Variants in ENOX1 observed in about 807,000 individuals in gnomAD.
ENOX1 encodes ecto-NOX disulfide-thiol exchanger 1.
ENOX1 carries 42 observed loss-of-function variants against 82.5 expected under a neutral mutation model. The ratio of observed to expected loss-of-function variants is 0.51; its 90% confidence interval spans 0.40 to 0.66. ENOX1 has a LOEUF of 0.66. Ranked by LOEUF, ENOX1 falls within the 30% of genes least tolerant of loss-of-function variation. The pLI is 0.00. For synonymous variants in ENOX1, 271 were observed against 282.2 expected, an observed-to-expected ratio of 0.96 and a Z score of 0.40; for missense variants, 608 against 811.6, an observed-to-expected ratio of 0.75 and a Z score of 3.05.
intron 1 of ENOX1, among the ~76,000 whole-genome samples, chr13:43,711,577 C>A (rs1489368732): frequency 6.6e-6 from 1 of 152,046 alleles, no homozygotes; most frequent in Non-Finnish European, 1.5e-5. Context: ...TCCTCTCCAG[C>A]ACCTGTTGTT....
chr13:43,751,165 C>T (rs1292581704), intron 1 of ENOX1, among the ~76,000 whole-genome samples: 1 of 152,176 alleles, frequency 6.6e-6, no homozygotes, highest in African/African-American at 2.4e-5. Context: ...ATCTCTGCAC[C>T]TAGAATGTTT....
intron 2 of ENOX1, among the ~76,000 whole-genome samples, chr13:43,511,810 A>C (rs2077379129): frequency 6.6e-6 from 1 of 152,116 alleles, no homozygotes; most frequent in Non-Finnish European, 1.5e-5. Flanking sequence ...AAACTGTAAT[A>C]ATCTTCCAGG....
chr13:43,393,970 C>A (rs140852881), intron 5 of ENOX1, among the ~76,000 whole-genome samples: 9 of 152,098 alleles, frequency 5.9e-5, no homozygotes, highest in Non-Finnish European at 1.0e-4. Context: ...ATCTTGGCAC[C>A]ACCTCCTCTC....
At chr13:43,486,532 G>A (rs1325599679) in intron 2 of ENOX1, among the ~76,000 whole-genome samples, 1 of 152,190 alleles carries the variant, frequency 6.6e-6, no homozygotes, top group Non-Finnish European at 1.5e-5. Flanking sequence ...ATACTTATGA[G>A]CCAAACAATA....
chr13:43,355,604 C>T (rs2050094419), intron 8 of ENOX1, among the ~76,000 whole-genome samples: 2 of 152,164 alleles, frequency 1.3e-5, no homozygotes, highest in Non-Finnish European at 2.9e-5. Context: ...ACCTTTCTGT[C>T]CCCTCATTCA....
At chr13:43,318,445 C>A (rs1433389837) in intron 11 of ENOX1, among the ~76,000 whole-genome samples, 1 of 152,184 alleles carries the variant, frequency 6.6e-6, no homozygotes, top group Non-Finnish European at 1.5e-5. Context: ...CTTGGACATA[C>A]AAAATGTAGA....
At chr13:43,647,530 T>G (rs2083951703) in intron 2 of ENOX1, among the ~76,000 whole-genome samples, 2 of 152,122 alleles carry the variant, frequency 1.3e-5, no homozygotes, top group South Asian at 4.1e-4. Context: ...TCAAGAAGAA[T>G]GTGACAAGTT....
chr13:43,666,410 G>A (rs1197198023), intron 2 of ENOX1, among the ~76,000 whole-genome samples: 1 of 152,148 alleles, frequency 6.6e-6, no homozygotes, highest in Non-Finnish European at 1.5e-5. Context: ...AAGGTCATTA[G>A]GGTGAACCCT....
intron 1 of ENOX1, among the ~76,000 whole-genome samples, chr13:43,754,047 C>T: frequency 4.2e-5 from 2 of 47,332 alleles, no homozygotes. Flanking sequence ...TATATAAATA[C>T]ACATATATAT....
chr13:43,546,559 C>G (rs1337091884), intron 2 of ENOX1: 3 of 152,144 alleles, frequency 2.0e-5, no homozygotes, highest in African/African-American at 4.8e-5. Context: ...TCTCCTTTGC[C>G]GCCTCACTGT....
At chr13:43,490,860 G>C (rs2076594952) in intron 2 of ENOX1, among the ~76,000 whole-genome samples, 1 of 152,148 alleles carries the variant, frequency 6.6e-6, no homozygotes, top group Non-Finnish European at 1.5e-5. Context: ...AAGAGAGTGA[G>C]CCTGCAATAA....
At chr13:43,245,908 C>T (rs950601827) in intron 14 of ENOX1, among the ~76,000 whole-genome samples, 2 of 152,136 alleles carry the variant, frequency 1.3e-5, no homozygotes, top group Admixed American at 6.5e-5. Flanking sequence ...CTCCAAGAAC[C>T]GTGTTTTCTA....
rs769222719 is a variant in ENOX1 at position 43,344,635 on chromosome 13, G to A, written c.939C>T (p.His313=). The change falls in exon 9 of 17, where the codon CAC becomes CAT. Residue 313 remains histidine, a synonymous_variant. Coordinates refer to ENST00000690772, the MANE Select transcript of ENOX1 (RefSeq NM_001347969.2). ...CTTTTTCATTCATTAGCCGGCGGACGTGGCTGTTGGCCGACTGCACCATGG... is the reference window on the plus strand; with the variant it reads ...CTTTTTCATTCATTAGCCGGCGGACATGGCTGTTGGCCGACTGCACCATGG... The part of the protein sequence containing the change: ...FYSMVQSANS[H]VRRLMNEKAT... 3.1e-5 allele frequency: 50 copies of A among 1,613,964 alleles called. 2 individuals carry two copies. Among genetic ancestry groups the A allele is most frequent in the South Asian group, 2.1e-4 (19 of 91,080 alleles).
intron 2 of ENOX1, among the ~76,000 whole-genome samples, chr13:43,536,368 A>G (rs548825283): frequency 6.6e-6 from 1 of 152,206 alleles, no homozygotes; most frequent in Non-Finnish European, 1.5e-5. Flanking sequence ...GCAGGTAACT[A>G]GCCTTGCATT....
At chr13:43,737,745 A>G (rs977875071) in intron 1 of ENOX1, among the ~76,000 whole-genome samples, 46 of 152,244 alleles carry the variant, frequency 3.0e-4, no homozygotes, top group African/African-American at 1.0e-3. Context: ...TACACATGTC[A>G]TCAAACAAGT....
At chr13:43,744,584 T>C (rs1949920952) in intron 1 of ENOX1, among the ~76,000 whole-genome samples, 1 of 152,172 alleles carries the variant, frequency 6.6e-6, no homozygotes, top group African/African-American at 2.4e-5. Context: ...GAACTGGTAT[T>C]AAAACAAGCA....
intron 15 of ENOX1, among the ~76,000 whole-genome samples, chr13:43,228,640 G>A (rs2042133318): frequency 6.6e-6 from 1 of 152,158 alleles, no homozygotes; most frequent in Non-Finnish European, 1.5e-5. Flanking sequence ...GACTAAGGAT[G>A]CAGTATTTAA....
chr13:43,686,647 C>G (rs299347), intron 1 of ENOX1, among the ~76,000 whole-genome samples: 48,534 of 151,996 alleles, frequency 0.32, 8,213 homozygotes, highest in East Asian at 0.49. Context: ...CACATGGTAT[C>G]ACACTCATTC....
chr13:43,486,987 A>G (rs765179226), intron 2 of ENOX1, among the ~76,000 whole-genome samples: 6 of 152,208 alleles, frequency 3.9e-5, no homozygotes, highest in Non-Finnish European at 7.3e-5. Context: ...AGCCTGGCCA[A>G]CATGATGAAA....
Sources: gnomAD v4.1 joint callset for allele counts (sites outside exome capture counted in the v4.1 genomes callset) on GRCh38, gnomAD v4.1.1 for gene constraint, MANE v1.5 for transcripts, NCBI Gene and HGNC (gene_info 2026-07-23, HGNC 2026-07-21) for gene names.